Variants in VMP1 observed in about 807,000 individuals in gnomAD.
VMP1 encodes ectopic P-granules autophagy protein 3 homolog.
VMP1 carries 11 observed loss-of-function variants against 56.0 expected under a neutral mutation model. The observed-to-expected ratio is 0.20, with a 90% CI of 0.12 to 0.32. The LOEUF (loss-of-function observed/expected upper bound fraction) is 0.32. Among genes scored for constraint, VMP1 ranks in the 10% least tolerant of loss-of-function variants. VMP1 has a pLI of 1.00. For synonymous variants in VMP1, 149 were observed against 165.0 expected (o/e 0.90, Z 0.74); for missense variants, 296 against 490.3 (o/e 0.60, Z 3.74).
At chr17:59,771,725 GCCTC>G (rs2036434075) in intron 6 of VMP1, among the ~76,000 whole-genome samples, 1 of 148,292 alleles carries the variant, frequency 6.7e-6, no homozygotes, top group Non-Finnish European at 1.5e-5. Flanking sequence ...TCCTACCTCA[GCCTC>G]CCAAGTAACT....
chr17:59,808,506 G>A (rs1011983366), intron 7 of VMP1, among the ~76,000 whole-genome samples: 2 of 152,180 alleles, frequency 1.3e-5, no homozygotes, highest in African/African-American at 4.8e-5. Flanking sequence ...TTGGTTCATG[G>A]TTAGTTTACA....
At chr17:59,838,265 T>A in intron 10 of VMP1, 30 bp from the exon 11 acceptor site, 1 of 1,592,550 alleles carries the variant, frequency 6.3e-7, no homozygotes, top group South Asian at 1.1e-5. Context: ...AATGTGTCTT[T>A]TTCTTTGGGC....
chr17:59,735,261 T>C, intron 2 of VMP1, 77 bp from the exon 3 acceptor site: 1 of 1,535,550 alleles, frequency 6.5e-7, no homozygotes, highest in Non-Finnish European at 8.8e-7. Flanking sequence ...ATAAAACTCT[T>C]TTCATCTAAA....
At chr17:59,713,862 G>A (rs1301302184) in intron 1 of VMP1, among the ~76,000 whole-genome samples, 1 of 151,340 alleles carries the variant, frequency 6.6e-6, no homozygotes, top group Non-Finnish European at 1.5e-5. Context: ...CCAACATGGT[G>A]AGACCCCATC....
chr17:59,756,325 T>G (rs1172328725), intron 5 of VMP1, among the ~76,000 whole-genome samples: 4 of 152,186 alleles, frequency 2.6e-5, no homozygotes, highest in Non-Finnish European at 5.9e-5. Flanking sequence ...CATCTTTTTT[T>G]GTTTATTTAT....
intron 7 of VMP1, among the ~76,000 whole-genome samples, chr17:59,797,340 C>CAAAAAAA (rs769486306): frequency 1.5e-5 from 1 of 65,172 alleles, no homozygotes. Flanking sequence ...GACTCTGTCT[C>CAAAAAAA]AAAAAAAAAA....
chr17:59,717,545 G>T (rs916844606), intron 1 of VMP1, among the ~76,000 whole-genome samples: 4 of 152,026 alleles, frequency 2.6e-5, no homozygotes, highest in Non-Finnish European at 4.4e-5. Context: ...ACCACTCCCA[G>T]CTAACTTTCG....
chr17:59,708,552 T>A (rs1279046445), intron 1 of VMP1, among the ~76,000 whole-genome samples: 1 of 152,226 alleles, frequency 6.6e-6, no homozygotes, highest in Non-Finnish European at 1.5e-5. Context: ...CCACTGTTGA[T>A]GTGTTTTGGC....
chr17:59,800,496 C>T (rs1477600902), intron 7 of VMP1, among the ~76,000 whole-genome samples: 1 of 152,158 alleles, frequency 6.6e-6, no homozygotes, highest in East Asian at 1.9e-4. Context: ...TTCCATTACA[C>T]ATGAGGAATC....
In VMP1 at chr17:59,781,615, T is replaced by A. The variant is rs7503399; in HGVS notation, c.714+7730T>A. On this transcript the variant is annotated intron_variant, in intron 7 of 11. Coordinates refer to ENST00000262291, the MANE Select transcript of VMP1 (RefSeq NM_030938.5). ...TGAAATCATATTGTTTGTTGTTTTGTGACTTGATTTGAATCTAAAAACGTG... is the reference window on the plus strand; with the variant it reads ...TGAAATCATATTGTTTGTTGTTTTGAGACTTGATTTGAATCTAAAAACGTG... 8.2e-3 allele frequency among the ~76,000 whole-genome samples: 1,250 copies of A among 152,302 alleles called. 20 individuals are homozygous for A. The highest frequency in any genetic ancestry group is 0.028 in the African/African-American group (1,171 of 41,560).
chr17:59,726,282 G>GTTTTTTT (rs1182103506), intron 1 of VMP1, among the ~76,000 whole-genome samples: 1 of 118,704 alleles, frequency 8.4e-6, no homozygotes, highest in African/African-American at 2.6e-5. Context: ...AACACACATA[G>GTTTTTTT]TTTTTTTTGT....
intron 5 of VMP1, among the ~76,000 whole-genome samples, chr17:59,757,722 C>G (rs1427179501): frequency 6.6e-6 from 1 of 151,898 alleles, no homozygotes; most frequent in East Asian, 1.9e-4. Flanking sequence ...GCTCATGAGA[C>G]TAGATATATG....
At chr17:59,720,739 C>T (rs185179187) in intron 1 of VMP1, among the ~76,000 whole-genome samples, 51 of 151,726 alleles carry the variant, frequency 3.4e-4, no homozygotes, top group African/African-American at 1.2e-3. Flanking sequence ...TTTGGGATGC[C>T]GAGGCAGGTG....
chr17:59,727,654 C>T (rs2034660593), intron 1 of VMP1, among the ~76,000 whole-genome samples: 1 of 152,142 alleles, frequency 6.6e-6, no homozygotes, highest in East Asian at 1.9e-4. Context: ...GCTGAATGAA[C>T]AACACTGGCA....
rs2039094890 is a variant in VMP1, at chr17:59,839,633, T to G, written c.1078-135T>G. On this transcript the variant is annotated intron_variant, in intron 11 of 11. Coordinates refer to ENST00000262291, the MANE Select transcript of VMP1 (RefSeq NM_030938.5). ...AGAGTAATGGAGATTTCAGAGTAGTTGGGGTTGCTTACTTTTCATTTTTAA... is the reference window on the plus strand; with the variant it reads ...AGAGTAATGGAGATTTCAGAGTAGTGGGGGTTGCTTACTTTTCATTTTTAA... 5.6e-6 allele frequency: 6 copies of G among 1,062,512 alleles called. No individual in the cohort carries two copies. In the East Asian group the frequency reaches 1.5e-4, roughly 27 times the overall value. The allele number at this position is 1,062,512 out of a possible 1,614,324, so 65.8% of individuals were successfully genotyped here. A position where few individuals can be genotyped will look rare whatever the true frequency, so the allele number is the denominator to read the frequency against.
intron 9 of VMP1, among the ~76,000 whole-genome samples, chr17:59,815,773 C>T (rs1033431735): frequency 1.4e-5 from 2 of 145,430 alleles, no homozygotes; most frequent in African/African-American, 2.5e-5. Flanking sequence ...AGGAGAATGA[C>T]GTGAACCAGG....
chr17:59,823,040 A>G (rs1323516498), intron 10 of VMP1, among the ~76,000 whole-genome samples: 1 of 152,132 alleles, frequency 6.6e-6, no homozygotes, highest in East Asian at 1.9e-4. Context: ...AACCATGATC[A>G]TACTACTGCA....
At chr17:59,768,513 G>A (rs1366541373) in intron 6 of VMP1, among the ~76,000 whole-genome samples, 3 of 152,024 alleles carry the variant, frequency 2.0e-5, no homozygotes, top group Non-Finnish European at 4.4e-5. Context: ...TGAGGCAGGA[G>A]AATCGCTTGA....
intron 10 of VMP1, among the ~76,000 whole-genome samples, chr17:59,835,456 T>C (rs1216333409): frequency 6.6e-6 from 1 of 151,642 alleles, no homozygotes; most frequent in Non-Finnish European, 1.5e-5. Flanking sequence ...AACATTGATT[T>C]ATGAGAAGGA....
Sources: allele counts gnomAD v4.1 joint callset (sites outside exome capture counted in the v4.1 genomes callset), GRCh38; gene constraint gnomAD v4.1.1; transcripts MANE v1.5; gene names NCBI Gene and HGNC (gene_info 2026-07-23, HGNC 2026-07-21).